The following KALRN variants were observed in gnomAD, a reference collection of about 807,000 sequenced individuals.
The protein encoded by KALRN is kalirin.
KALRN carries 70 observed loss-of-function variants against 353.7 expected under a neutral mutation model. The ratio of observed to expected loss-of-function variants is 0.20; its 90% CI spans 0.16 to 0.24. KALRN has a LOEUF of 0.24. Among genes scored for constraint, KALRN ranks in the 10% least tolerant of loss-of-function variants. The probability of loss-of-function intolerance (pLI) is 1.00; values close to 1 mark genes in which losing one functional copy is unlikely to be tolerated. For missense variants in KALRN, 2,791 were observed against 3,756.7 expected (o/e 0.74, Z 6.72); for synonymous variants, 1,391 against 1,434.8 (o/e 0.97, Z 0.69).
chr3:124,580,502 A>T (rs2074525942), intron 34 of KALRN, among the ~76,000 whole-genome samples: 1 of 152,210 alleles, frequency 6.6e-6, no homozygotes, highest in East Asian at 1.9e-4. Flanking sequence ...TTAAAATCAT[A>T]TTCTCCACCA....
chr3:124,429,870 G>A (rs1352373559), intron 15 of KALRN, among the ~76,000 whole-genome samples: 1 of 152,110 alleles, frequency 6.6e-6, no homozygotes, highest in African/African-American at 2.4e-5. Context: ...TATTTTGCTT[G>A]TTTTCTTTCT....
At chr3:124,648,765 C>T (rs1304812786) in intron 37 of KALRN, among the ~76,000 whole-genome samples, 1 of 152,154 alleles carries the variant, frequency 6.6e-6, no homozygotes, top group African/African-American at 2.4e-5. Context: ...CAGCTGGGCC[C>T]ATCTGCCCAG....
chr3:124,377,879 C>G (rs1032647338), intron 10 of KALRN, among the ~76,000 whole-genome samples: 10 of 152,162 alleles, frequency 6.6e-5, no homozygotes, highest in African/African-American at 2.4e-4. Context: ...TTTTTTCTGG[C>G]TAGTGTTATC....
chr3:124,719,525 A>G lies in KALRN; in HGVS notation c.*55A>G, dbSNP rs772233825. The G allele has an allele frequency of 3.1e-5, 45 of 1,435,042 alleles. No individual in the cohort carries two copies. Among genetic ancestry groups the G allele is most frequent in the Non-Finnish European group, 4.2e-5 (44 of 1,044,490 alleles). 88.9% of individuals were successfully genotyped at this position (1,435,042 alleles called of 1,614,324 possible). Reference sequence around the variant, plus strand: ...GACGTGCAGTGTGAACCAAAGCAAGACTGAATGTGACTGTAAATAATTCTG... The same window carrying G: ...GACGTGCAGTGTGAACCAAAGCAAGGCTGAATGTGACTGTAAATAATTCTG... On this transcript the variant is annotated 3_prime_UTR_variant, in exon 60 of 60. Coordinates refer to ENST00000682506, the MANE Select transcript of KALRN (RefSeq NM_001388419.1). The surrounding 1 kb of genome is among the most constrained non-coding windows in gnomAD (Gnocchi z 5.3).
At position 124,398,681 on chromosome 3, in the gene KALRN, C is replaced by G; in HGVS notation, c.2172-16C>G. The G allele has an allele frequency of 1.2e-6, 2 of 1,612,994 alleles. No individual in the cohort carries two copies. Among genetic ancestry groups the G allele is most frequent in the Non-Finnish European group, 1.7e-6 (2 of 1,179,644 alleles). ...AAAGGCCTCTCCCTCCCTTTTTTCT[C>G]CCCACTCTGCCACAGGGACTCGGCT... is the stretch of plus-strand genomic sequence containing the variant. On this transcript the variant is annotated splice_polypyrimidine_tract_variant and intron_variant, in intron 12 of 59. Coordinates refer to ENST00000682506, the MANE Select transcript of KALRN (RefSeq NM_001388419.1).
At chr3:124,276,428 A>C (rs1255156106) in intron 5 of KALRN, among the ~76,000 whole-genome samples, 1 of 152,150 alleles carries the variant, frequency 6.6e-6, no homozygotes, top group Non-Finnish European at 1.5e-5. Context: ...CCTAGAGCCC[A>C]AAACAGGACC....
At chr3:124,296,034 C>T (rs1277691449) in intron 5 of KALRN, among the ~76,000 whole-genome samples, 1 of 152,162 alleles carries the variant, frequency 6.6e-6, no homozygotes, top group Non-Finnish European at 1.5e-5. Context: ...ATGGTCCTTT[C>T]GTCCTTTCTT....
chr3:124,488,439 A>G (rs2062791992), intron 29 of KALRN, 124 bp downstream of exon 29: 2 of 700,630 alleles, frequency 2.9e-6, no homozygotes, highest in Admixed American at 2.2e-5. Context: ...AGAAATGACA[A>G]GTAGTTACAT....
intron 54 of KALRN, 52 bp from the exon 55 acceptor site, chr3:124,697,541 A>G: frequency 2.0e-6 from 3 of 1,518,168 alleles, no homozygotes; most frequent in Non-Finnish European, 2.6e-6. Context: ...CCTTGGTGTA[A>G]AATGCCAAGT....
chr3:124,645,363 T>C (rs1331815290), intron 37 of KALRN, among the ~76,000 whole-genome samples: 2 of 152,376 alleles, frequency 1.3e-5, no homozygotes, highest in African/African-American at 4.8e-5. Flanking sequence ...TGGCTTTTGT[T>C]GCCATTGCTT....
rs562303651 is a variant in KALRN at position 124,548,299 on chromosome 3, A to T, written c.4936-14544A>T. On this transcript the variant is annotated intron_variant, in intron 33 of 59. Coordinates refer to ENST00000682506, the MANE Select transcript of KALRN (RefSeq NM_001388419.1). Reference sequence around the variant, plus strand: ...ATCCATATTGGTATGGTTGACTTATATTTAAAGGAGGATAAAATTGCCCTC... The same window carrying T: ...ATCCATATTGGTATGGTTGACTTATTTTTAAAGGAGGATAAAATTGCCCTC... 2.4e-4 allele frequency among the ~76,000 whole-genome samples: 37 copies of T among 152,314 alleles called. No homozygotes were observed. In the East Asian group the frequency reaches 7.1e-3, roughly 29 times the overall value.
At chr3:124,459,288 G>A (rs1028134384) in intron 23 of KALRN, among the ~76,000 whole-genome samples, 33 of 152,210 alleles carry the variant, frequency 2.2e-4, no homozygotes, top group Admixed American at 1.4e-3. Context: ...ATGAGGAGAT[G>A]AGGCAGAGGA....
At chr3:124,262,507 CATT>C (rs1235260443) in intron 3 of KALRN, among the ~76,000 whole-genome samples, 1 of 152,238 alleles carries the variant, frequency 6.6e-6, no homozygotes, top group Non-Finnish European at 1.5e-5. Context: ...TTCGGCCACT[CATT>C]GTTTCAATAA....
chr3:124,280,518 A>G (rs2075240799), intron 5 of KALRN, among the ~76,000 whole-genome samples: 1 of 152,052 alleles, frequency 6.6e-6, no homozygotes, highest in African/African-American at 2.4e-5. Context: ...TGGGCTCTAA[A>G]CTCTTTAATG....
intron 11 of KALRN, among the ~76,000 whole-genome samples, chr3:124,390,923 A>G (rs2089273007): frequency 6.6e-6 from 1 of 151,904 alleles, no homozygotes; most frequent in Non-Finnish European, 1.5e-5. Context: ...TGCAAGCAGG[A>G]GAGGGTCTGT....
rs2061517423 is a variant in KALRN at position 124,477,283 on chromosome 3, C to T, written c.4140C>T (p.Asn1380=). ...KFQMYVTYCK[N]KPDSNQLILE... is the part of the protein sequence containing the mutation. ...AGATGTATGTCACCTACTGTAAAAA[C>T]AAGCCTGATTCCAACCAGCTTATCC... Residue 1380 remains asparagine (N), a synonymous_variant, in exon 27 of 60, where the codon AAC becomes AAT. Transcript: ENST00000682506. 6.2e-7 allele frequency: 1 copy of T among 1,613,806 alleles called. No homozygotes were observed.
intron 3 of KALRN, among the ~76,000 whole-genome samples, chr3:124,258,352 G>A (rs1019117960): frequency 6.6e-6 from 1 of 152,188 alleles, no homozygotes; most frequent in African/African-American, 2.4e-5. Context: ...AAGTACAATA[G>A]TTCTGCTCTT....
chr3:124,589,256 A>T (rs957762838), intron 34 of KALRN, among the ~76,000 whole-genome samples: 5 of 152,218 alleles, frequency 3.3e-5, no homozygotes, highest in Non-Finnish European at 1.5e-5. Context: ...CGTGACACCA[A>T]GTTCCTTTAC....
At chr3:124,549,206 C>T (rs1298429244) in intron 33 of KALRN, among the ~76,000 whole-genome samples, 1 of 151,780 alleles carries the variant, frequency 6.6e-6, no homozygotes, top group Non-Finnish European at 1.5e-5. Context: ...AGTCTATAAG[C>T]TCCTAGACTT....
Sources: gnomAD v4.1 joint callset for allele counts (sites outside exome capture counted in the v4.1 genomes callset) on GRCh38, gnomAD v4.1.1 for gene constraint, Gnocchi (gnomAD v3.1) non-coding constraint, MANE v1.5 for transcripts, NCBI Gene and HGNC (gene_info 2026-07-23, HGNC 2026-07-21) for gene names.